Variants in USP48 observed in about 807,000 individuals in gnomAD.
USP48 encodes ubiquitin carboxyl-terminal hydrolase 48.
Under a neutral mutation model 150.7 loss-of-function variants are expected in USP48, and 43 were observed. That is an observed-to-expected ratio of 0.29 (90% CI 0.22 to 0.37). The LOEUF is 0.37. Ranked by LOEUF, USP48 falls within the 10% of genes least tolerant of loss-of-function variation. The probability of loss-of-function intolerance (pLI) is 1.00; values close to 1 mark genes in which losing one functional copy is unlikely to be tolerated. For missense variants in USP48, 813 were observed against 1,249.6 expected (o/e 0.65, Z 5.27); for synonymous variants, 396 against 425.9 (o/e 0.93, Z 0.86).
intron 8 of USP48, among the ~76,000 whole-genome samples, chr1:21,741,686 T>C (rs893128014): frequency 2.0e-5 from 3 of 152,028 alleles, no homozygotes; most frequent in Non-Finnish European, 2.9e-5. Context: ...AAAATACATA[T>C]GAAAAATAGG....
intron 8 of USP48, among the ~76,000 whole-genome samples, chr1:21,744,499 G>C (rs1309744788): frequency 6.6e-6 from 1 of 150,658 alleles, no homozygotes; most frequent in East Asian, 1.9e-4. Flanking sequence ...TTTTAGGCCA[G>C]GTGCGGTGGG....
intron 11 of USP48, among the ~76,000 whole-genome samples, chr1:21,726,279 G>A (rs2097736981): frequency 6.6e-6 from 1 of 152,138 alleles, no homozygotes; most frequent in South Asian, 2.1e-4. Flanking sequence ...GGCCCTGACT[G>A]TCCAGCAACA....
Position 21,706,883 on chromosome 1 carries a change from A to C in USP48, c.1964-15T>G. 6.4e-7 allele frequency: 1 copy of C among 1,573,468 alleles called. No homozygotes were observed. Among genetic ancestry groups the C allele is most frequent in the Non-Finnish European group, 8.6e-7 (1 of 1,167,432 alleles). On this transcript the variant is annotated splice_polypyrimidine_tract_variant and intron_variant, in intron 15 of 26. Transcript: ENST00000308271. ...GCATAACTCACCTGAGTTTAAAAAAATATATTTGGAAAAAAAAAAAACAGC... is the reference window on the plus strand; with the variant it reads ...GCATAACTCACCTGAGTTTAAAAAACTATATTTGGAAAAAAAAAAAACAGC...
intron 1 of USP48, among the ~76,000 whole-genome samples, chr1:21,781,053 T>C (rs2152663761): frequency 6.6e-6 from 1 of 151,008 alleles, no homozygotes; most frequent in Admixed American, 6.6e-5. Context: ...TCTTTTTTCT[T>C]TTAAAATTTT....
chr1:21,751,226 T>C (rs112743721), intron 6 of USP48, among the ~76,000 whole-genome samples: 7 of 152,234 alleles, frequency 4.6e-5, no homozygotes, highest in Admixed American at 2.0e-4. Flanking sequence ...TAACTCAGCA[T>C]AGAGTTCTTT....
chr1:21,774,624 T>C (rs916997185), intron 1 of USP48, among the ~76,000 whole-genome samples: 8 of 149,420 alleles, frequency 5.4e-5, no homozygotes, highest in Non-Finnish European at 7.4e-5. Context: ...GAGGCAGAGG[T>C]TGCAGTGAGA....
At chr1:21,767,979 G>A (rs909229192) in intron 1 of USP48, among the ~76,000 whole-genome samples, 21 of 152,188 alleles carry the variant, frequency 1.4e-4, no homozygotes, top group Admixed American at 2.0e-4. Flanking sequence ...AGGCCGAGGC[G>A]GGTGGATCAC....
chr1:21,733,055 T>C (rs536634930), intron 9 of USP48, among the ~76,000 whole-genome samples: 1 of 152,312 alleles, frequency 6.6e-6, no homozygotes, highest in African/African-American at 2.4e-5. Context: ...ATCACTGTAC[T>C]GTCACAGGGA....
In USP48 at chr1:21,775,871, C is replaced by T. The variant is rs985063124; in HGVS notation, c.134+6953G>A. 2.6e-5 allele frequency among the ~76,000 whole-genome samples: 4 copies of T among 151,842 alleles called. No homozygotes were observed. The South Asian group carries it at 8.3e-4, about 32-fold the overall frequency. On this transcript the variant is annotated intron_variant, in intron 1 of 26. Transcript: ENST00000308271. ...CAGCCTAAGCAACATAGTAAGACCC[C>T]GTCTCAAAAACAAAACAAAACAAAT...
intron 11 of USP48, chr1:21,728,022 C>G: frequency 8.1e-6 from 8 of 985,360 alleles, no homozygotes; most frequent in Non-Finnish European, 9.6e-6. Context: ...ATCAGGTAAA[C>G]CTGAATAAAC....
chr1:21,708,802 T>G (rs982273372), intron 15 of USP48, among the ~76,000 whole-genome samples: 3 of 145,774 alleles, frequency 2.1e-5, no homozygotes, highest in Non-Finnish European at 3.0e-5. Flanking sequence ...GGAGAATCGC[T>G]TGAACCCGGG....
chr1:21,699,192 ATTTTTTTTTTT>A (rs71016932), intron 22 of USP48, among the ~76,000 whole-genome samples: 1 of 63,612 alleles, frequency 1.6e-5, no homozygotes, highest in African/African-American at 5.8e-5. Flanking sequence ...ACCACACCTA[ATTTTTTTTTTT>A]TTTTTTTTTT....
chr1:21,776,920 C>A (rs1179348695), intron 1 of USP48, among the ~76,000 whole-genome samples: 2 of 150,226 alleles, frequency 1.3e-5, no homozygotes, highest in Non-Finnish European at 3.0e-5. Flanking sequence ...GCACTCCAGC[C>A]TGGGCAACAA....
intron 9 of USP48, among the ~76,000 whole-genome samples, chr1:21,731,746 G>A (rs1383381893): frequency 6.6e-6 from 1 of 151,964 alleles, no homozygotes; most frequent in Non-Finnish European, 1.5e-5. Flanking sequence ...CCAGGGGTCT[G>A]TAATCCCAGC....
At chr1:21,712,029 T>C (rs2097691490) in intron 15 of USP48, among the ~76,000 whole-genome samples, 1 of 152,232 alleles carries the variant, frequency 6.6e-6, no homozygotes, top group Admixed American at 6.5e-5. Flanking sequence ...GTAGAATGGA[T>C]GTGATAATAT....
At chr1:21,782,065 G>A (rs1016389013) in intron 1 of USP48, 1 of 152,204 alleles carries the variant, frequency 6.6e-6, no homozygotes, top group African/African-American at 2.4e-5. Context: ...CCGAAAGACG[G>A]CTACTGAGCA....
At chr1:21,753,477 C>T (rs187005590) in intron 3 of USP48, among the ~76,000 whole-genome samples, 9 of 149,806 alleles carry the variant, frequency 6.0e-5, no homozygotes, top group South Asian at 2.1e-4. Flanking sequence ...ATCTATTGAG[C>T]GCGGGAGGAA....
chr1:21,702,926 T>C (rs1256078881), intron 21 of USP48, among the ~76,000 whole-genome samples: 1 of 152,254 alleles, frequency 6.6e-6, no homozygotes, highest in African/African-American at 2.4e-5. Context: ...GGAAGCTCTA[T>C]TGGACAGCAC....
chr1:21,701,163 G>A (rs1179957421), intron 22 of USP48, among the ~76,000 whole-genome samples: 5 of 149,638 alleles, frequency 3.3e-5, no homozygotes, highest in African/African-American at 1.2e-4. Context: ...TCAGGAGTTC[G>A]AGACCAGCCT....
Sources: allele counts gnomAD v4.1 joint callset (sites outside exome capture counted in the v4.1 genomes callset), GRCh38; gene constraint gnomAD v4.1.1; transcripts MANE v1.5; gene names NCBI Gene and HGNC (gene_info 2026-07-23, HGNC 2026-07-21).